The following ARHGEF3 variants were observed in gnomAD, a reference collection of about 807,000 sequenced individuals.
ARHGEF3 encodes 59.8 kDA protein.
ARHGEF3 carries 28 observed loss-of-function variants against 63.2 expected under a neutral mutation model. The ratio of observed to expected loss-of-function variants is 0.44; its 90% CI spans 0.33 to 0.61. ARHGEF3 has a LOEUF of 0.61. ARHGEF3 is among the 20% of genes least tolerant of loss of function. ARHGEF3 has a pLI of 0.03. For synonymous variants in ARHGEF3, 266 were observed against 254.2 expected, an observed-to-expected ratio of 1.05 and a Z score of -0.44; for missense variants, 533 against 659.3, an observed-to-expected ratio of 0.81 and a Z score of 2.10.
intron 1 of ARHGEF3, chr3:57,060,839 T>C (rs891206780): frequency 1.8e-5 from 2 of 111,656 alleles, no homozygotes; most frequent in Non-Finnish European, 3.3e-5. Context: ...CACACACACA[T>C]GGGCACACAC....
chr3:57,012,761 A>G (rs1192560757), intron 2 of ARHGEF3, among the ~76,000 whole-genome samples: 1 of 152,214 alleles, frequency 6.6e-6, no homozygotes, highest in African/African-American at 2.4e-5. Context: ...GTGCCTCCTC[A>G]GCCTTGGCGC....
chr3:56,883,599 T>C (rs1184026940), intron 3 of ARHGEF3, among the ~76,000 whole-genome samples: 2 of 152,336 alleles, frequency 1.3e-5, no homozygotes, highest in African/African-American at 4.8e-5. Context: ...GCCTGGCCTT[T>C]TTCTTTTCAT....
chr3:56,961,243 A>G (rs1410195778), intron 2 of ARHGEF3, among the ~76,000 whole-genome samples: 1 of 152,266 alleles, frequency 6.6e-6, no homozygotes, highest in African/African-American at 2.4e-5. Flanking sequence ...ATTTAAATAA[A>G]TAATCTTACA....
At position 56,975,823 on chromosome 3, in the gene ARHGEF3, T is replaced by TA. The variant is rs200988099; in HGVS notation, c.63-16935dup. 3.8e-3 allele frequency: 1,527 copies of TA among 404,118 alleles called. 9 individuals carry two copies. The Middle Eastern group carries it at 0.039, about 10-fold the overall frequency. The allele number at this position is 404,118 out of a possible 1,614,324, so 25.0% of individuals were successfully genotyped here. A position where few individuals can be genotyped will look rare whatever the true frequency, so the allele number is the denominator to read the frequency against. ...TCTTTACATGAAGTATAACAGGACT[T>TA]AAAAAAAAATAATAAAAACAATAAA... On this transcript the variant is annotated intron_variant, in intron 2 of 12. Transcript: ENST00000338458.
chr3:56,985,821 GACA>G (rs1376793416), intron 2 of ARHGEF3, among the ~76,000 whole-genome samples: 36 of 152,204 alleles, frequency 2.4e-4, no homozygotes, highest in Non-Finnish European at 4.1e-4. Context: ...GATGTAAATG[GACA>G]ACATACCCAC....
intron 8 of ARHGEF3, among the ~76,000 whole-genome samples, chr3:56,732,691 A>G (rs898685825): frequency 6.6e-6 from 1 of 152,142 alleles, no homozygotes; most frequent in Non-Finnish European, 1.5e-5. Context: ...CAGGGTTGCC[A>G]ACTTTGGGGG....
chr3:56,995,469 T>C (rs1701933038), intron 2 of ARHGEF3, among the ~76,000 whole-genome samples: 1 of 152,148 alleles, frequency 6.6e-6, no homozygotes, highest in Non-Finnish European at 1.5e-5. Context: ...ATGGACTGAA[T>C]GGCCATGATA....
chr3:56,809,491 A>G (rs7641696), intron 4 of ARHGEF3, among the ~76,000 whole-genome samples: 150,240 of 152,220 alleles, frequency 0.99, 74,181 homozygotes, highest in Middle Eastern at 1. Context: ...CTGGATGCAC[A>G]GTTTGTATAA....
rs573158911 is a variant in ARHGEF3 at position 56,789,910 on chromosome 3, G to C, written c.96+11793C>G. ...TGTTAAAGACACACTAATTCCAAGT[G>C]GAAACTTGAAATAATCAGAAGGATC... On this transcript the variant is annotated intron_variant, in intron 1 of 9. Transcript: ENST00000296315. 7.9e-5 allele frequency among the ~76,000 whole-genome samples: 12 copies of C among 152,266 alleles called. No homozygotes were observed. In the South Asian group the frequency reaches 1.7e-3, roughly 21 times the overall value.
intron 4 of ARHGEF3, among the ~76,000 whole-genome samples, chr3:56,878,843 T>G (rs1321150660): frequency 1.3e-5 from 2 of 152,172 alleles, no homozygotes; most frequent in Non-Finnish European, 2.9e-5. Context: ...AACAGGTGAG[T>G]GGCCGGCAGG....
At chr3:56,772,596 C>T (rs978122036) in intron 2 of ARHGEF3, among the ~76,000 whole-genome samples, 5 of 152,148 alleles carry the variant, frequency 3.3e-5, no homozygotes, top group Non-Finnish European at 5.9e-5. Flanking sequence ...GTATAATTAT[C>T]AAATTGGTCC....
intron 4 of ARHGEF3, among the ~76,000 whole-genome samples, chr3:56,836,776 A>T (rs1248808270): frequency 6.6e-6 from 1 of 152,024 alleles, no homozygotes; most frequent in East Asian, 1.9e-4. Flanking sequence ...AAAATACAAA[A>T]ATTAGCTGGG....
chr3:56,759,268 A>G (rs1341199116), intron 2 of ARHGEF3, among the ~76,000 whole-genome samples: 5 of 140,210 alleles, frequency 3.6e-5, no homozygotes, highest in East Asian at 2.1e-4. Context: ...AGCTCTGCCT[A>G]TTGGGTTCAC....
chr3:56,856,397 G>A (rs1323980201), intron 4 of ARHGEF3, among the ~76,000 whole-genome samples: 2 of 152,184 alleles, frequency 1.3e-5, no homozygotes, highest in Non-Finnish European at 2.9e-5. Context: ...GGATTCTTAT[G>A]TCATCAAGTC....
chr3:56,867,186 A>G (rs2040278006), intron 4 of ARHGEF3, among the ~76,000 whole-genome samples: 2 of 152,240 alleles, frequency 1.3e-5, no homozygotes, highest in South Asian at 4.1e-4. Flanking sequence ...GTTCATGTTT[A>G]CAGTAACCTT....
At chr3:56,774,906 C>T in intron 1 of ARHGEF3, 2 of 1,131,512 alleles carry the variant, frequency 1.8e-6, no homozygotes, top group Non-Finnish European at 2.4e-6. Context: ...AAAAAACAAA[C>T]AAACAAACAA....
At chr3:56,848,017 C>T (rs187205601) in intron 4 of ARHGEF3, among the ~76,000 whole-genome samples, 1 of 152,128 alleles carries the variant, frequency 6.6e-6, no homozygotes, top group East Asian at 1.9e-4. Flanking sequence ...GGAGACATCA[C>T]GACTACAATA....
At chr3:57,067,667 T>G (rs930042793) in intron 1 of ARHGEF3, among the ~76,000 whole-genome samples, 1 of 150,088 alleles carries the variant, frequency 6.7e-6, no homozygotes, top group Non-Finnish European at 1.5e-5. Flanking sequence ...AGACCCAGTC[T>G]CTACAAAAAA....
intron 4 of ARHGEF3, among the ~76,000 whole-genome samples, chr3:56,850,884 T>G (rs903066014): frequency 5.3e-5 from 8 of 151,256 alleles, no homozygotes; most frequent in African/African-American, 2.0e-4. Context: ...AACAACATTA[T>G]GAGGTAGGCA....
Sources: gnomAD v4.1 joint callset for allele counts (sites outside exome capture counted in the v4.1 genomes callset) on GRCh38, gnomAD v4.1.1 for gene constraint, MANE v1.5 for transcripts, NCBI Gene and HGNC (gene_info 2026-07-23, HGNC 2026-07-21) for gene names.